IFT57: variants seen among roughly 807,000 people sequenced by gnomAD.
IFT57 encodes the protein intraflagellar transport 57, also known as intraflagellar transport protein 57 homolog.
Under a neutral mutation model 56.8 loss-of-function variants are expected in IFT57, and 59 were observed. That is an observed-to-expected ratio of 1.04 (90% confidence interval 0.84 to 1.29). The LOEUF is 1.29. Ranked by LOEUF, IFT57 falls within the 50% of genes most tolerant of loss-of-function variation. The pLI is 0.00. For synonymous variants in IFT57, 209 were observed against 186.1 expected, an observed-to-expected ratio of 1.12 and a Z score of -1.00; for missense variants, 470 against 522.1, an observed-to-expected ratio of 0.90 and a Z score of 0.97.
chr3:108,204,393 A>G (rs1160140084), intron 5 of IFT57, among the ~76,000 whole-genome samples: 1 of 152,224 alleles, frequency 6.6e-6, no homozygotes, highest in Non-Finnish European at 1.5e-5. Flanking sequence ...ACCCTTCCTC[A>G]TGTAGTTTGC....
In IFT57 at chr3:108,218,562, A is replaced by T; in HGVS notation, c.467T>A (p.Leu156Ter). 6.4e-7 allele frequency: 1 copy of T among 1,554,250 alleles called. No individual in the cohort carries two copies. Among genetic ancestry groups the T allele is most frequent in the Non-Finnish European group, 8.7e-7 (1 of 1,152,398 alleles). The stretch of plus-strand genomic sequence containing the variant: ...TTTCCAGGTGAAACCAATATATTTC[A>T]ATGCTTCTTCAGCGAAGCAATCAAG... ...YVLDCFAEEALKYIGFTWKRP... is the reference protein window; with the variant it reads ...YVLDCFAEEA Residue 156 changes from leucine (L) to a stop codon, truncating the protein, a stop_gained, in exon 3 of 11, where the codon TTG (leucine) becomes TAG (stop). Coordinates refer to ENST00000264538, the MANE Select transcript of IFT57 (RefSeq NM_018010.4). LOFTEE classifies it high-confidence loss of function.
chr3:108,217,591 G>A lies in IFT57; in HGVS notation c.494+944C>T, dbSNP rs868674393. Among the ~76,000 whole-genome samples the A allele has an allele frequency of 2.0e-5, 3 of 151,192 alleles. No individual in the cohort carries two copies. In the South Asian group the frequency reaches 6.3e-4, roughly 32 times the overall value. On this transcript the variant is annotated intron_variant, in intron 3 of 10. Coordinates refer to ENST00000264538, the MANE Select transcript of IFT57 (RefSeq NM_018010.4). ...TCATCCCAATGATAACCTAATTCAA[G>A]GAAGTTATTAAACTTAATAGGGAGA...
chr3:108,201,719 T>C (rs2080279134), intron 5 of IFT57, among the ~76,000 whole-genome samples: 1 of 152,152 alleles, frequency 6.6e-6, no homozygotes. Flanking sequence ...GATTACTCAG[T>C]AAGAATATTT....
At position 108,162,419 on chromosome 3, in the gene IFT57, T is replaced by C; in HGVS notation, c.*58A>G. The C allele has an allele frequency of 7.3e-7, 1 of 1,372,416 alleles. No homozygotes were observed. The highest frequency in any genetic ancestry group is 1.0e-6 in the Non-Finnish European group (1 of 1,001,674). The allele number at this position is 1,372,416 out of a possible 1,614,324, so 85.0% of individuals were successfully genotyped here. On this transcript the variant is annotated 3_prime_UTR_variant, in exon 11 of 11. Transcript: ENST00000264538. ...ATTATGTTTTGAAATCTATGCAACATGAAATATAGTTTGATATAAAAAACC... is the reference window on the plus strand; with the variant it reads ...ATTATGTTTTGAAATCTATGCAACACGAAATATAGTTTGATATAAAAAACC...
chr3:108,203,283 G>A (rs1412671955), intron 5 of IFT57, among the ~76,000 whole-genome samples: 1 of 152,136 alleles, frequency 6.6e-6, no homozygotes, highest in African/African-American at 2.4e-5. Flanking sequence ...CCTTTCACAT[G>A]TGTCTATTTC....
rs2080038428 is a variant in IFT57, at chr3:108,162,361, T to C, written c.*116A>G. On this transcript the variant is annotated 3_prime_UTR_variant, in exon 11 of 11. Transcript: ENST00000264538. ...ATCACCATGATATAATATGTGAGTATGTATATGTAAAAAAATACCCATTGA... is the reference window on the plus strand; with the variant it reads ...ATCACCATGATATAATATGTGAGTACGTATATGTAAAAAAATACCCATTGA... 1 of 707,044 alleles carries C rather than the reference T, an allele frequency of 1.4e-6. No individual in the cohort carries two copies. The highest frequency in any genetic ancestry group is 2.7e-5 in the East Asian group (1 of 37,142). The allele number at this position is 707,044 out of a possible 1,614,324, so 43.8% of individuals were successfully genotyped here. A position where few individuals can be genotyped will look rare whatever the true frequency, so the allele number is the denominator to read the frequency against.
intron 6 of IFT57, 23 bp downstream of exon 6, chr3:108,191,497 GA>G: frequency 7.1e-7 from 1 of 1,404,998 alleles, no homozygotes; most frequent in Non-Finnish European, 9.5e-7. Flanking sequence ...TTTTTTTTAA[GA>G]AAATGTGTTC....
chr3:108,217,853 A>G (rs1349341272), intron 3 of IFT57, among the ~76,000 whole-genome samples: 2 of 151,928 alleles, frequency 1.3e-5, no homozygotes, highest in Non-Finnish European at 2.9e-5. Flanking sequence ...CTATAAATTG[A>G]GTTTCCAAAT....
intron 5 of IFT57, among the ~76,000 whole-genome samples, chr3:108,205,333 C>T (rs924627033): frequency 1.3e-5 from 2 of 151,760 alleles, no homozygotes; most frequent in African/African-American, 4.8e-5. Context: ...GAAGATGAGG[C>T]ACAAGAAGTT....
chr3:108,214,201 T>C (rs566479320), intron 3 of IFT57, among the ~76,000 whole-genome samples, 180 bp from the exon 4 acceptor site: 1 of 152,298 alleles, frequency 6.6e-6, no homozygotes, highest in South Asian at 2.1e-4. Context: ...GCAAAAGTGT[T>C]TATCTCCAAA....
At chr3:108,175,232 T>C (rs750002485) in intron 6 of IFT57, among the ~76,000 whole-genome samples, 20 of 151,826 alleles carry the variant, frequency 1.3e-4, no homozygotes, top group Non-Finnish European at 2.9e-4. Flanking sequence ...CTACTGAAGA[T>C]GAATATTTCA....
At chr3:108,215,078 TTTC>T (rs1262680397) in intron 3 of IFT57, among the ~76,000 whole-genome samples, 15 of 152,332 alleles carry the variant, frequency 9.8e-5, no homozygotes, top group Admixed American at 7.8e-4. Flanking sequence ...GGAGTCCAGC[TTTC>T]TTCTTATTTC....
At chr3:108,172,734 A>G (rs1271188017) in intron 6 of IFT57, among the ~76,000 whole-genome samples, 1 of 151,864 alleles carries the variant, frequency 6.6e-6, no homozygotes, top group Non-Finnish European at 1.5e-5. Context: ...TAGTAGAGAC[A>G]ATGTGTCTTT....
chr3:108,177,273 C>T lies in IFT57; in HGVS notation c.778-9409G>A, dbSNP rs536032145. On this transcript the variant is annotated intron_variant, in intron 6 of 10. Transcript: ENST00000264538. ...AGACCCCAGATGGCTTCATTATCTT[C>T]CCAAACATTTAAGAAATAATTAACA... Among the ~76,000 whole-genome samples, 7 of 151,742 alleles carry T rather than the reference C, an allele frequency of 4.6e-5. No individual in the cohort carries two copies. In the South Asian group the frequency reaches 1.5e-3, roughly 32 times the overall value.
chr3:108,191,088 G>A (rs1453666476), intron 6 of IFT57, among the ~76,000 whole-genome samples: 3 of 152,144 alleles, frequency 2.0e-5, no homozygotes, highest in Non-Finnish European at 4.4e-5. Context: ...ATGGCGCCTG[G>A]CCAGCATTTT....
intron 4 of IFT57, among the ~76,000 whole-genome samples, chr3:108,208,026 G>C (rs549439693): frequency 2.7e-5 from 4 of 148,708 alleles, no homozygotes; most frequent in Admixed American, 2.0e-4. Flanking sequence ...CTGGGCGACA[G>C]AGCGAGACTC....
At chr3:108,175,644 T>C (rs1019464855) in intron 6 of IFT57, among the ~76,000 whole-genome samples, 28 of 151,928 alleles carry the variant, frequency 1.8e-4, no homozygotes, top group African/African-American at 6.7e-4. Context: ...AGAGGCATTT[T>C]CTTTGTCTAG....
At chr3:108,217,629 GAATAT>G (rs1560129607) in intron 3 of IFT57, among the ~76,000 whole-genome samples, 1 of 150,324 alleles carries the variant, frequency 6.7e-6, no homozygotes, top group Non-Finnish European at 1.5e-5. Flanking sequence ...ATATCTAAAA[GAATAT>G]AATTGAATAT....
chr3:108,173,501 T>G (rs748665026), intron 6 of IFT57, among the ~76,000 whole-genome samples: 7 of 151,802 alleles, frequency 4.6e-5, no homozygotes, highest in Non-Finnish European at 1.0e-4. Flanking sequence ...ACACCTAACT[T>G]TCCGAACATA....
Sources: allele counts gnomAD v4.1 joint callset (sites outside exome capture counted in the v4.1 genomes callset), GRCh38; gene constraint gnomAD v4.1.1; transcripts MANE v1.5; gene names NCBI Gene and HGNC (gene_info 2026-07-23, HGNC 2026-07-21).